Variants in VEZT observed in about 807,000 individuals in gnomAD.
The protein encoded by VEZT is vezatin, adherens junctions transmembrane protein.
Under a neutral mutation model 79.9 loss-of-function variants are expected in VEZT, and 39 were observed. The observed-to-expected ratio is 0.49, with a 90% CI of 0.38 to 0.64. VEZT has a LOEUF of 0.64. VEZT is among the 30% of genes least tolerant of loss of function. The pLI is 0.00. For missense variants in VEZT, 837 were observed against 893.1 expected, an observed-to-expected ratio of 0.94 and a Z score of 0.80; for synonymous variants, 325 against 327.6, an observed-to-expected ratio of 0.99 and a Z score of 0.09.
At chr12:95,288,289 C>T (rs1227906576) in intron 9 of VEZT, among the ~76,000 whole-genome samples, 2 of 152,008 alleles carry the variant, frequency 1.3e-5, no homozygotes, top group Non-Finnish European at 2.9e-5. Flanking sequence ...TAATTAGTGG[C>T]ACTGCATATT....
chr12:95,282,674 C>A, intron 8 of VEZT, 30 bp downstream of exon 8: 1 of 1,536,368 alleles, frequency 6.5e-7, no homozygotes, highest in South Asian at 1.3e-5. Context: ...CAAGAAAGGT[C>A]TCGGTAATTA....
At chr12:95,240,036 G>A (rs1231715868) in intron 1 of VEZT, among the ~76,000 whole-genome samples, 2 of 104,104 alleles carry the variant, frequency 1.9e-5, no homozygotes, top group Non-Finnish European at 4.3e-5. Flanking sequence ...AAGGAAGGAA[G>A]GAAGGAAGGA....
chr12:95,219,606 A>G (rs1292157115), intron 1 of VEZT, among the ~76,000 whole-genome samples: 1 of 152,198 alleles, frequency 6.6e-6, no homozygotes, highest in Non-Finnish European at 1.5e-5. Context: ...AAAAAATACC[A>G]TTGTAATCAA....
chr12:95,234,284 CTTT>C (rs10587022), intron 1 of VEZT, among the ~76,000 whole-genome samples: 13,892 of 123,010 alleles, frequency 0.11, 611 homozygotes, highest in East Asian at 0.24. Context: ...TATCAATAAT[CTTT>C]TTTTTTTTTT....
chr12:95,225,612 A>G (rs1593012081), intron 1 of VEZT, among the ~76,000 whole-genome samples: 2 of 152,088 alleles, frequency 1.3e-5, no homozygotes, highest in Non-Finnish European at 2.9e-5. Context: ...TCTGCCTCTC[A>G]ATAACCTAAC....
chr12:95,282,789 A>G (rs2069517197), intron 8 of VEZT, 145 bp downstream of exon 8: 1 of 489,848 alleles, frequency 2.0e-6, no homozygotes, highest in Middle Eastern at 5.2e-4. Context: ...AGCTATAAAT[A>G]TAGCAAAAAA....
chr12:95,289,081 C>CAAAAAAAAAAAAAAAA (rs71078697), intron 9 of VEZT, among the ~76,000 whole-genome samples: 4 of 123,038 alleles, frequency 3.3e-5, no homozygotes, highest in African/African-American at 5.7e-5. Flanking sequence ...GACTCCGTCT[C>CAAAAAAAAAAAAAAAA]AAAAAAAAAA....
At chr12:95,272,235 GA>G (rs375048258) in intron 6 of VEZT, among the ~76,000 whole-genome samples, 3,440 of 45,834 alleles carry the variant, frequency 0.075, 117 homozygotes, top group African/African-American at 0.27. Context: ...TACTATGAAG[GA>G]AAAAAAAAAC....
chr12:95,226,636 A>T (rs1332775660), intron 1 of VEZT, among the ~76,000 whole-genome samples: 1 of 150,868 alleles, frequency 6.6e-6, no homozygotes, highest in Non-Finnish European at 1.5e-5. Context: ...ATTTTACTGT[A>T]CTATATTTTG....
intron 1 of VEZT, among the ~76,000 whole-genome samples, chr12:95,222,994 T>C (rs374482213): frequency 4.7e-4 from 71 of 152,370 alleles, no homozygotes; most frequent in African/African-American, 1.6e-3. Context: ...TACAATTTTC[T>C]ATTTTGATAA....
chr12:95,287,568 G>C, intron 8 of VEZT, 96 bp from the exon 9 acceptor site: 1 of 1,213,312 alleles, frequency 8.2e-7, no homozygotes, highest in Non-Finnish European at 1.1e-6. Context: ...CTCCCAAAGT[G>C]CTGAGATTTA....
At chr12:95,299,329 A>T (rs1215085896) in intron 11 of VEZT, 1 of 154,236 alleles carries the variant, frequency 6.5e-6, no homozygotes, top group Non-Finnish European at 1.5e-5. Context: ...TCATGCTGGG[A>T]TGAGCGACTG....
rs1174263828 is a variant in VEZT, at chr12:95,287,866, G to A, written c.1522+9G>A. ...AAATACAGATAAAAAAGGTACCTGT[G>A]AGAGATTTCTTTGCCATATGCTTAT... On this transcript the variant is annotated intron_variant, in intron 9 of 11. Transcript: ENST00000436874. 6.3e-7 allele frequency: 1 copy of A among 1,576,400 alleles called. No individual in the cohort carries two copies. The highest frequency in any genetic ancestry group is 1.4e-5 in the African/African-American group (1 of 74,052).
chr12:95,282,740 A>G (rs1427133019), intron 8 of VEZT, 96 bp downstream of exon 8: 1 of 1,082,142 alleles, frequency 9.2e-7, no homozygotes, highest in Non-Finnish European at 1.3e-6. Context: ...CCTAGAAAAA[A>G]GAAACAAAAC....
intron 1 of VEZT, among the ~76,000 whole-genome samples, chr12:95,248,405 C>T (rs753616447): frequency 6.6e-6 from 1 of 152,082 alleles, no homozygotes; most frequent in Non-Finnish European, 1.5e-5. Context: ...TGTATATATG[C>T]CCTCAGCTTA....
chr12:95,260,078 T>C (rs1423105797), intron 3 of VEZT, among the ~76,000 whole-genome samples: 1 of 151,562 alleles, frequency 6.6e-6, no homozygotes, highest in East Asian at 1.9e-4. Context: ...CATAGATGAT[T>C]GTAGGTTGTT....
At chr12:95,219,356 G>A (rs893606297) in intron 1 of VEZT, among the ~76,000 whole-genome samples, 1 of 152,070 alleles carries the variant, frequency 6.6e-6, no homozygotes, top group Non-Finnish European at 1.5e-5. Context: ...TAACAGTACG[G>A]TATGTGTTCT....
At chr12:95,231,814 G>T (rs567951556) in intron 1 of VEZT, among the ~76,000 whole-genome samples, 5 of 152,196 alleles carry the variant, frequency 3.3e-5, no homozygotes, top group South Asian at 2.1e-4. Context: ...TTGTGATTGC[G>T]TACTGAATTA....
At chr12:95,250,456 T>A (rs566788806) in intron 1 of VEZT, among the ~76,000 whole-genome samples, 1 of 151,548 alleles carries the variant, frequency 6.6e-6, no homozygotes, top group Non-Finnish European at 1.5e-5. Context: ...GCACCTGCCA[T>A]CATGCCCGGC....
Sources: gnomAD v4.1 joint callset for allele counts (sites outside exome capture counted in the v4.1 genomes callset) on GRCh38, gnomAD v4.1.1 for gene constraint, MANE v1.5 for transcripts, NCBI Gene and HGNC (gene_info 2026-07-23, HGNC 2026-07-21) for gene names.